Variants in CCDC90B observed in about 807,000 individuals in gnomAD.
CCDC90B encodes the protein coiled-coil domain-containing protein 90B, mitochondrial.
A neutral mutation model predicts 37.0 loss-of-function variants in CCDC90B; 24 were observed. The ratio of observed to expected loss-of-function variants is 0.65; its 90% confidence interval spans 0.47 to 0.91. The LOEUF (loss-of-function observed/expected upper bound fraction) is 0.91, where lower values mean the gene tolerates loss of function less well. Ranked by LOEUF, CCDC90B falls within the 40% of genes least tolerant of loss-of-function variation. CCDC90B has a pLI of 0.00. For synonymous variants in CCDC90B, 113 were observed against 101.1 expected, an observed-to-expected ratio of 1.12 and a Z score of -0.71; for missense variants, 319 against 299.0, an observed-to-expected ratio of 1.07 and a Z score of -0.49.
chr11:83,265,704 T>A (rs1864217334), intron 8 of CCDC90B, among the ~76,000 whole-genome samples, 161 bp downstream of exon 8: 1 of 152,162 alleles, frequency 6.6e-6, no homozygotes, highest in African/African-American at 2.4e-5. Context: ...AAAAAATATA[T>A]CCTGAGACTG....
chr11:83,266,045 C>A, intron 7 of CCDC90B, 66 bp from the exon 8 acceptor site: 1 of 800,286 alleles, frequency 1.2e-6, no homozygotes, highest in South Asian at 1.5e-5. Flanking sequence ...AAAGCATTTA[C>A]ATTATAAACC....
chr11:83,285,825 T>C (rs768236186), intron 1 of CCDC90B, 48 bp downstream of exon 1: 3 of 1,569,722 alleles, frequency 1.9e-6, no homozygotes, highest in Non-Finnish European at 2.6e-6. Flanking sequence ...ACGGGCATCG[T>C]CTCCCTAGAG....
intron 8 of CCDC90B, among the ~76,000 whole-genome samples, chr11:83,264,806 T>C (rs982627162): frequency 6.6e-6 from 1 of 151,754 alleles, no homozygotes; most frequent in Non-Finnish European, 1.5e-5. Flanking sequence ...ATGTCCTTTG[T>C]AGGGACATGG....
At chr11:83,285,579 T>C (rs1196901596) in intron 1 of CCDC90B, 11 of 1,270,418 alleles carry the variant, frequency 8.7e-6, no homozygotes, top group South Asian at 1.8e-5. Flanking sequence ...ACGAGATTAC[T>C]AGCCTCTTGT....
intron 8 of CCDC90B, among the ~76,000 whole-genome samples, chr11:83,263,045 G>A (rs1161375655): frequency 1.3e-5 from 2 of 152,110 alleles, no homozygotes; most frequent in Non-Finnish European, 2.9e-5. Flanking sequence ...AGCAAACAGT[G>A]GAGCCGGGAT....
intron 8 of CCDC90B, among the ~76,000 whole-genome samples, chr11:83,263,549 C>T (rs1028284637): frequency 7.2e-5 from 11 of 152,154 alleles, no homozygotes; most frequent in African/African-American, 2.4e-4. Flanking sequence ...TTATCTGCCA[C>T]GAACAAAATC....
At chr11:83,281,795 A>G (rs553111543) in intron 1 of CCDC90B, among the ~76,000 whole-genome samples, 2 of 152,292 alleles carry the variant, frequency 1.3e-5, no homozygotes, top group South Asian at 2.1e-4. Flanking sequence ...AAAATCAGTA[A>G]TAATATTTAA....
At position 83,261,907 on chromosome 11, in the gene CCDC90B, AAT is replaced by A. The variant is rs747032998; in HGVS notation, c.*2_*3del. The A allele has an allele frequency of 6.3e-7, 1 of 1,599,520 alleles. No homozygotes were observed. Among genetic ancestry groups the A allele is most frequent in the Admixed American group, 1.7e-5 (1 of 58,642 alleles). On this transcript the variant is annotated 3_prime_UTR_variant, in exon 9 of 9. Coordinates refer to ENST00000529689, the MANE Select transcript of CCDC90B (RefSeq NM_021825.5). Reference sequence around the variant, plus strand: ...CAACAGCCACAGCAGGATGAGCATTAATACTACTTCCAGAATCTATAAAATCC... The same window carrying A: ...CAACAGCCACAGCAGGATGAGCATTAACTACTTCCAGAATCTATAAAATCC...
chr11:83,274,894 T>C (rs1864930518), intron 3 of CCDC90B, 154 bp from the exon 4 acceptor site: 1 of 446,138 alleles, frequency 2.2e-6, no homozygotes, highest in African/African-American at 2.1e-5. Flanking sequence ...ATCTGAAATA[T>C]CAAAATGAAA....
chr11:83,260,754 T>C lies in CCDC90B; in HGVS notation c.*1157A>G, dbSNP rs541890950. 1 of 152,344 alleles carries C rather than the reference T, an allele frequency of 6.6e-6. No individual in the cohort carries two copies. Among genetic ancestry groups the C allele is most frequent in the South Asian group, 2.1e-4 (1 of 4,826 alleles). The allele number at this position is 152,344 out of a possible 1,614,324, so 9.4% of individuals were successfully genotyped here. A position where few individuals can be genotyped will look rare whatever the true frequency, so the allele number is the denominator to read the frequency against. On this transcript the variant is annotated 3_prime_UTR_variant, in exon 9 of 9. Transcript: ENST00000529689. ...GACTGAAGAACTAAGATGAAAAGGATATTTTAAAATTTCTTTGAAATTACA... is the reference window on the plus strand; with the variant it reads ...GACTGAAGAACTAAGATGAAAAGGACATTTTAAAATTTCTTTGAAATTACA...
At chr11:83,265,478 T>C (rs1864199876) in intron 8 of CCDC90B, among the ~76,000 whole-genome samples, 3 of 152,200 alleles carry the variant, frequency 2.0e-5, no homozygotes, top group Admixed American at 6.5e-5. Context: ...TGTGTTTATA[T>C]ATTTCTTTTA....
intron 7 of CCDC90B, among the ~76,000 whole-genome samples, chr11:83,270,803 C>T (rs181346041): frequency 6.6e-6 from 1 of 152,312 alleles, no homozygotes; most frequent in East Asian, 1.9e-4. Flanking sequence ...CAAAAAAGAG[C>T]CCGCATGGCG....
chr11:83,282,019 T>C (rs1865409979), intron 1 of CCDC90B, among the ~76,000 whole-genome samples: 6 of 139,938 alleles, frequency 4.3e-5, no homozygotes, highest in Admixed American at 4.1e-4. Context: ...CTGGCTTACC[T>C]CAAGCTTGTC....
intron 8 of CCDC90B, among the ~76,000 whole-genome samples, chr11:83,263,368 A>G (rs1254998482): frequency 6.6e-6 from 1 of 152,008 alleles, no homozygotes; most frequent in African/African-American, 2.4e-5. Flanking sequence ...TTTATTTCTC[A>G]TGGCTGTTGT....
At chr11:83,264,894 T>A (rs1427210476) in intron 8 of CCDC90B, among the ~76,000 whole-genome samples, 2 of 137,928 alleles carry the variant, frequency 1.5e-5, no homozygotes, top group Non-Finnish European at 1.5e-5. Flanking sequence ...CACTCATAGG[T>A]GGGAACTGAA....
At chr11:83,277,639 T>C (rs647069) in intron 3 of CCDC90B, among the ~76,000 whole-genome samples, 106,261 of 151,788 alleles carry the variant, frequency 0.7, 37,767 homozygotes, top group Middle Eastern at 0.84. Context: ...CCCACCACCA[T>C]GCCCGGCTAA....
chr11:83,269,337 A>G (rs1379845208), intron 7 of CCDC90B, among the ~76,000 whole-genome samples: 1 of 152,104 alleles, frequency 6.6e-6, no homozygotes, highest in Non-Finnish European at 1.5e-5. Context: ...GAGACACAAC[A>G]AACCCTTAAA....
chr11:83,271,255 A>G (rs762605315), intron 7 of CCDC90B, among the ~76,000 whole-genome samples: 11 of 152,258 alleles, frequency 7.2e-5, no homozygotes, highest in Non-Finnish European at 1.3e-4. Flanking sequence ...AATGGCAACA[A>G]AAGCCAAAAT....
In CCDC90B at chr11:83,278,834, A is replaced by G; in HGVS notation, c.221-5T>C. The G allele has an allele frequency of 6.3e-7, 1 of 1,592,090 alleles. No individual in the cohort carries two copies. Among genetic ancestry groups the G allele is most frequent in the Non-Finnish European group, 8.6e-7 (1 of 1,160,434 alleles). ...CTGCTTGTGTTTTGTCAAATCCTGT[A>G]GGCAGCAAATAGGTATTTTATTTTT... On this transcript the variant is annotated splice_region_variant and splice_polypyrimidine_tract_variant and intron_variant, in intron 2 of 8. Transcript: ENST00000529689.
Sources: allele counts gnomAD v4.1 joint callset (sites outside exome capture counted in the v4.1 genomes callset), GRCh38; gene constraint gnomAD v4.1.1; transcripts MANE v1.5; gene names NCBI Gene and HGNC (gene_info 2026-07-23, HGNC 2026-07-21).